The following C1orf141 variants were observed in gnomAD, a reference collection of about 807,000 sequenced individuals.
C1orf141 encodes uncharacterized protein C1orf141.
A neutral mutation model predicts 23.2 loss-of-function variants in C1orf141; 19 were observed. That is an observed-to-expected ratio of 0.82 (90% CI 0.57 to 1.20). C1orf141 has a LOEUF of 1.20. Among genes scored for constraint, C1orf141 ranks in the 50% most tolerant of loss-of-function variants. The pLI, the probability that C1orf141 is intolerant of heterozygous loss-of-function variation, is 0.00. For missense variants in C1orf141, 469 were observed against 455.1 expected, an observed-to-expected ratio of 1.03 and a Z score of -0.28; for synonymous variants, 153 against 154.6, an observed-to-expected ratio of 0.99 and a Z score of 0.08.
intron 2 of C1orf141, among the ~76,000 whole-genome samples, chr1:67,128,406 A>G (rs1205848346): frequency 6.6e-6 from 1 of 150,932 alleles, no homozygotes; most frequent in African/African-American, 2.4e-5. Context: ...TATTTATTTT[A>G]AAAATTGAGT....
chr1:67,111,609 T>C (rs773059175), intron 5 of C1orf141: 34 of 1,384,484 alleles, frequency 2.5e-5, no homozygotes, highest in Admixed American at 1.5e-4. Context: ...AGATAGGGTC[T>C]AATAGATCTT....
upstream of C1orf141, among the ~76,000 whole-genome samples, chr1:67,137,239 G>C (rs997647931): frequency 1.3e-5 from 2 of 152,154 alleles, no homozygotes; most frequent in Non-Finnish European, 2.9e-5. Flanking sequence ...GAAAGCTATT[G>C]TATTTAGGGT....
intron 5 of C1orf141, among the ~76,000 whole-genome samples, chr1:67,108,216 C>G (rs1024842217): frequency 6.6e-6 from 1 of 152,132 alleles, no homozygotes; most frequent in Non-Finnish European, 1.5e-5. Flanking sequence ...AATTTTCAGG[C>G]TGGGAAGTCC....
intron 5 of C1orf141, among the ~76,000 whole-genome samples, chr1:67,109,689 C>A (rs1332714783): frequency 3.8e-4 from 58 of 152,126 alleles, no homozygotes; most frequent in Non-Finnish European, 1.2e-4. Flanking sequence ...CTTCCTTGTG[C>A]CTCTTTTTTC....
chr1:67,125,927 T>TAA lies in C1orf141; in HGVS notation c.76-19_76-18insTT. 23 of 1,112,170 alleles carry TAA rather than the reference T, an allele frequency of 2.1e-5. No homozygotes were observed. In the Admixed American group the frequency reaches 2.8e-4, roughly 13 times the overall value. 68.9% of individuals were successfully genotyped at this position (1,112,170 alleles called of 1,614,324 possible). ...CTGTTTATCTGCAGCAATGCCAAAG[T>TAA]GAAAAAAAAAAAAAAAAAAAGAGTA... On this transcript the variant is annotated intron_variant, in intron 3 of 7. Coordinates refer to ENST00000684719, the MANE Select transcript of C1orf141 (RefSeq NM_001276351.2).
chr1:67,111,248 T>C (rs1244371620), intron 5 of C1orf141, among the ~76,000 whole-genome samples: 2 of 152,086 alleles, frequency 1.3e-5, no homozygotes, highest in African/African-American at 2.4e-5. Flanking sequence ...CAAATTGATA[T>C]ATATTTTTAT....
chr1:67,116,721 T>C (rs1646199733), intron 4 of C1orf141, among the ~76,000 whole-genome samples: 1 of 152,104 alleles, frequency 6.6e-6, no homozygotes, highest in Non-Finnish European at 1.5e-5. Flanking sequence ...GCAAATTTTC[T>C]ACCTGTTTGG....
At chr1:67,118,431 A>T (rs1646239015) in intron 4 of C1orf141, among the ~76,000 whole-genome samples, 1 of 152,234 alleles carries the variant, frequency 6.6e-6, no homozygotes, top group Non-Finnish European at 1.5e-5. Context: ...AGAATCACTC[A>T]TAGAGACTGG....
intron 5 of C1orf141, among the ~76,000 whole-genome samples, chr1:67,099,912 T>TTAA (rs1645760786): frequency 3.9e-5 from 6 of 152,232 alleles, no homozygotes; most frequent in Admixed American, 3.9e-4. Flanking sequence ...AATGAAATAT[T>TTAA]GTGAATATTT....
intron 2 of C1orf141, among the ~76,000 whole-genome samples, chr1:67,130,409 A>G (rs1646495762): frequency 6.6e-6 from 1 of 152,206 alleles, no homozygotes; most frequent in African/African-American, 2.4e-5. Flanking sequence ...CTCATTTGTG[A>G]GAAAGAACAG....
chr1:67,110,476 T>C (rs1416769321), intron 5 of C1orf141, among the ~76,000 whole-genome samples: 1 of 152,108 alleles, frequency 6.6e-6, no homozygotes, highest in East Asian at 1.9e-4. Context: ...AAACTCATTC[T>C]TTAGAAATAT....
At chr1:67,124,972 C>G (rs904597642) in intron 4 of C1orf141, among the ~76,000 whole-genome samples, 3 of 152,192 alleles carry the variant, frequency 2.0e-5, no homozygotes, top group Non-Finnish European at 2.9e-5. Flanking sequence ...CTTTGTACTT[C>G]TTTTTTCTGA....
intron 4 of C1orf141, among the ~76,000 whole-genome samples, chr1:67,121,276 T>G (rs1055189310): frequency 6.6e-6 from 1 of 152,222 alleles, no homozygotes; most frequent in Non-Finnish European, 1.5e-5. Flanking sequence ...TTATTTTTCA[T>G]GCTATTCAAA....
Position 67,115,371 on chromosome 1 carries a change from A to AT in C1orf141, c.326dup (p.Asn109LysfsTer2). ...CATTACCTGTTGACTCACTTTCTTT[A>AT]TTTTTTACATTTGTTTGAATAAAGA... On this transcript the variant is annotated frameshift_variant, in exon 5 of 8. Transcript: ENST00000684719. LOFTEE classifies it high-confidence loss of function. 1 of 1,294,674 alleles carries AT rather than the reference A, an allele frequency of 7.7e-7. No individual in the cohort carries two copies. The highest frequency in any genetic ancestry group is 1.1e-6 in the Non-Finnish European group (1 of 904,712). 80.2% of individuals were successfully genotyped at this position (1,294,674 alleles called of 1,614,324 possible).
At chr1:67,111,583 T>G (rs1646073032) in intron 5 of C1orf141, 1 of 1,315,270 alleles carries the variant, frequency 7.6e-7, no homozygotes, top group African/African-American at 1.5e-5. Flanking sequence ...CTACCTCAGT[T>G]GTATCCTTAA....
intron 4 of C1orf141, among the ~76,000 whole-genome samples, chr1:67,117,606 T>C (rs550996612): frequency 6.6e-6 from 1 of 152,254 alleles, no homozygotes; most frequent in South Asian, 2.1e-4. Context: ...TTAATATCAT[T>C]GGGGAGGACT....
intron 5 of C1orf141, among the ~76,000 whole-genome samples, chr1:67,113,366 TTTTC>T (rs918491775): frequency 1.3e-5 from 2 of 151,738 alleles, no homozygotes; most frequent in African/African-American, 4.8e-5. Context: ...TCTTTGTTTC[TTTTC>T]TTTCTTTTTT....
chr1:67,117,815 G>T (rs576417788), intron 4 of C1orf141, among the ~76,000 whole-genome samples: 1 of 152,302 alleles, frequency 6.6e-6, no homozygotes, highest in South Asian at 2.1e-4. Flanking sequence ...AAGATATTCA[G>T]ATATGAATTT....
chr1:67,116,169 C>G (rs755482536), intron 4 of C1orf141, among the ~76,000 whole-genome samples: 1 of 152,298 alleles, frequency 6.6e-6, no homozygotes, highest in South Asian at 2.1e-4. Flanking sequence ...GTATCTTGAA[C>G]TTAACATATT....
Sources: gnomAD v4.1 joint callset for allele counts (sites outside exome capture counted in the v4.1 genomes callset) on GRCh38, gnomAD v4.1.1 for gene constraint, MANE v1.5 for transcripts, NCBI Gene and HGNC (gene_info 2026-07-23, HGNC 2026-07-21) for gene names.